The following ATXN2 variants were observed in gnomAD, a reference collection of about 807,000 sequenced individuals.
The protein encoded by ATXN2 is ataxin-2.
ATXN2 carries 37 observed loss-of-function variants against 138.6 expected under a neutral mutation model. The observed-to-expected ratio is 0.27, with a 90% confidence interval of 0.21 to 0.35. ATXN2 has a LOEUF of 0.35. ATXN2 is among the 10% of genes least tolerant of loss of function. The pLI, the probability that ATXN2 is intolerant of heterozygous loss-of-function variation, is 1.00. For missense variants in ATXN2, 1,216 were observed against 1,480.3 expected, an observed-to-expected ratio of 0.82 and a Z score of 2.93; for synonymous variants, 549 against 543.7, an observed-to-expected ratio of 1.01 and a Z score of -0.13.
chr12:111,490,414 C>T (rs2135704651), intron 14 of ATXN2, among the ~76,000 whole-genome samples: 1 of 152,074 alleles, frequency 6.6e-6, no homozygotes, highest in South Asian at 2.1e-4. Context: ...GTCATGGAGG[C>T]TGGACTAAGC....
At chr12:111,568,205 A>G (rs926460289) in intron 1 of ATXN2, among the ~76,000 whole-genome samples, 1 of 152,050 alleles carries the variant, frequency 6.6e-6, no homozygotes, top group African/African-American at 2.4e-5. Context: ...AGGTTGCAGT[A>G]AGCCAATATC....
intron 1 of ATXN2, among the ~76,000 whole-genome samples, chr12:111,562,645 G>A (rs1387119637): frequency 3.4e-5 from 5 of 148,754 alleles, no homozygotes; most frequent in Non-Finnish European, 5.9e-5. Flanking sequence ...GCTTGAACCC[G>A]GGAGGCAGAG....
intron 5 of ATXN2, among the ~76,000 whole-genome samples, chr12:111,550,867 G>C (rs1440246879): frequency 6.6e-6 from 1 of 152,174 alleles, no homozygotes; most frequent in East Asian, 1.9e-4. Flanking sequence ...CCAAGTAACA[G>C]TGTAGAAGAA....
At chr12:111,584,411 A>AAAAAAAAAAAAAAAAAAAAAAG (rs1884205858) in intron 1 of ATXN2, among the ~76,000 whole-genome samples, 1 of 145,904 alleles carries the variant, frequency 6.9e-6, no homozygotes. Context: ...AAAAAAAAAA[A>AAAAAAAAAAAAAAAAAAAAAAG]TTCATTGAAC....
intron 5 of ATXN2, among the ~76,000 whole-genome samples, chr12:111,526,408 TTTTTTTTTC>T (rs1385311682): frequency 5.7e-5 from 8 of 139,386 alleles, no homozygotes; most frequent in Non-Finnish European, 3.2e-5. Context: ...TATCTCTTTT[TTTTTTTTTC>T]TTTTTTGAGA....
intron 5 of ATXN2, among the ~76,000 whole-genome samples, chr12:111,529,323 C>T (rs550118071): frequency 6.6e-6 from 1 of 150,998 alleles, no homozygotes; most frequent in Non-Finnish European, 1.5e-5. Flanking sequence ...AGCATTGTAA[C>T]AACAAGATGC....
chr12:111,470,340 G>T, intron 19 of ATXN2, 100 bp from the exon 20 acceptor site: 1 of 1,417,116 alleles, frequency 7.1e-7, no homozygotes, highest in Non-Finnish European at 9.6e-7. Flanking sequence ...CAGATTTCCA[G>T]AAACAGCTGT....
intron 24 of ATXN2, 87 bp from the exon 25 acceptor site, chr12:111,452,927 A>G (rs1046898463): frequency 2.4e-6 from 3 of 1,274,508 alleles, no homozygotes; most frequent in African/African-American, 3.2e-5. Flanking sequence ...ATTGTAAACT[A>G]TCCTCGTGCT....
At chr12:111,540,635 TA>T (rs1881447354) in intron 5 of ATXN2, among the ~76,000 whole-genome samples, 1 of 150,194 alleles carries the variant, frequency 6.7e-6, no homozygotes, top group Non-Finnish European at 1.5e-5. Context: ...ACTATTTTTC[TA>T]CTTTTCCCAG....
intron 2 of ATXN2, 64 bp downstream of exon 2, chr12:111,555,819 C>A: frequency 7.3e-7 from 1 of 1,373,574 alleles, no homozygotes; most frequent in South Asian, 1.3e-5. Flanking sequence ...GGCATTTGGT[C>A]TGTGGTTAGA....
In ATXN2 at chr12:111,551,400, G is replaced by A. The variant is rs561474892; in HGVS notation, c.571+880C>T. ...ATAATGCCTTGCAAATGAGTAACAG[G>A]AATTCCCACTTTGTTCATCAATGGA... On this transcript the variant is annotated intron_variant, in intron 5 of 24. Transcript: ENST00000673436. Among the ~76,000 whole-genome samples the A allele has an allele frequency of 2.6e-5, 4 of 152,100 alleles. No individual in the cohort carries two copies. The South Asian group carries it at 8.3e-4, about 32-fold the overall frequency.
chr12:111,483,188 AACACATACAC>A lies in ATXN2; in HGVS notation c.2524+2067_2524+2076del, dbSNP rs1555231593. On this transcript the variant is annotated intron_variant, in intron 18 of 24. Transcript: ENST00000673436. Reference sequence around the variant, plus strand: ...AGCAGCAAAGCAAGACCCTGTATCAAACACATACACACACACACACACACACACACACACA... The same window carrying A: ...AGCAGCAAAGCAAGACCCTGTATCAAACACACACACACACACACACACACA... Among the ~76,000 whole-genome samples, 696 of 119,000 alleles carry A rather than the reference AACACATACAC, an allele frequency of 5.8e-3. 4 individuals carry two copies. Among genetic ancestry groups the A allele is most frequent in the East Asian group, 0.02 (85 of 4,316 alleles). The allele number at this position is 119,000 out of a possible 152,430, so 78.1% of individuals were successfully genotyped here. A position where few individuals can be genotyped will look rare whatever the true frequency, so the allele number is the denominator to read the frequency against.
intron 1 of ATXN2, among the ~76,000 whole-genome samples, chr12:111,574,851 G>C (rs1883543854): frequency 6.6e-6 from 1 of 152,076 alleles, no homozygotes. Context: ...ACCATCACTA[G>C]TTTTCTTTCT....
chr12:111,494,827 A>T, intron 14 of ATXN2, among the ~76,000 whole-genome samples: 1 of 152,258 alleles, frequency 6.6e-6, no homozygotes, highest in South Asian at 2.1e-4. Context: ...AAAACAAGGA[A>T]GGGAGGGAGG....
rs773868096 is a variant in ATXN2 at position 111,452,733 on chromosome 12, C to T, written c.*79G>A. 2 of 1,416,918 alleles carry T rather than the reference C, an allele frequency of 1.4e-6. No homozygotes were observed. The highest frequency in any genetic ancestry group is 1.2e-5 in the South Asian group (1 of 86,244). 87.8% of individuals were successfully genotyped at this position (1,416,918 alleles called of 1,614,324 possible). The stretch of plus-strand genomic sequence containing the variant: ...TTTTAAAAACAAAATAAATGAAATT[C>T]TAGTTTTCTGTGCTTCCAGTTGGTA... On this transcript the variant is annotated 3_prime_UTR_variant, in exon 25 of 25. Transcript: ENST00000673436.
chr12:111,576,024 G>A (rs991455551), intron 1 of ATXN2, among the ~76,000 whole-genome samples: 1 of 152,094 alleles, frequency 6.6e-6, no homozygotes, highest in Non-Finnish European at 1.5e-5. Flanking sequence ...GGAGGTTGCA[G>A]TAAGCCGAGA....
At chr12:111,525,073 G>T in intron 6 of ATXN2, 119 bp downstream of exon 6, 1 of 1,288,016 alleles carries the variant, frequency 7.8e-7, no homozygotes, top group Non-Finnish European at 1.0e-6. Flanking sequence ...CAACAAACCT[G>T]CTGCTCTAAA....
chr12:111,590,456 T>C (rs926107261), intron 1 of ATXN2, among the ~76,000 whole-genome samples: 5 of 151,700 alleles, frequency 3.3e-5, no homozygotes, highest in African/African-American at 7.3e-5. Context: ...TGGGAGGCTG[T>C]TGGGCGGATC....
At chr12:111,459,731 C>A (rs942739639) in intron 21 of ATXN2, among the ~76,000 whole-genome samples, 1 of 149,748 alleles carries the variant, frequency 6.7e-6, no homozygotes. Flanking sequence ...TGAGCCACTG[C>A]GCCCGGCCAT....
Sources: gnomAD v4.1 joint callset for allele counts (sites outside exome capture counted in the v4.1 genomes callset) on GRCh38, gnomAD v4.1.1 for gene constraint, MANE v1.5 for transcripts, NCBI Gene and HGNC (gene_info 2026-07-23, HGNC 2026-07-21) for gene names.